GALNT17: variants seen among roughly 807,000 people sequenced by gnomAD.
GALNT17 encodes UDP-GalNAc:polypeptide N-acetylgalactosaminyltransferase-like 3.
In GALNT17, 29 loss-of-function variants were observed where a neutral mutation model predicts 63.7. The observed-to-expected ratio is 0.46, with a 90% CI of 0.34 to 0.62. The LOEUF is 0.62. GALNT17 is among the 20% of genes least tolerant of loss of function. GALNT17 has a pLI of 0.01. For missense variants in GALNT17, 603 were observed against 799.6 expected (o/e 0.75, Z 2.97); for synonymous variants, 305 against 318.3 (o/e 0.96, Z 0.45).
At chr7:71,403,391 G>T (rs906765383) in intron 3 of GALNT17, among the ~76,000 whole-genome samples, 23 of 152,132 alleles carry the variant, frequency 1.5e-4, no homozygotes, top group Admixed American at 3.3e-4. Flanking sequence ...AGGTCAGGTG[G>T]TTTGGTATTA....
chr7:71,282,707 G>T lies in GALNT17; in HGVS notation c.239-52843G>T, dbSNP rs146883100. On this transcript the variant is annotated intron_variant, in intron 1 of 10. Coordinates refer to ENST00000333538, the MANE Select transcript of GALNT17 (RefSeq NM_022479.3). ...TCCATCTCAAGGGAGGGCTGTGGGT[G>T]GGGGGATGTCTGCTTCTATGGGGAG... Among the ~76,000 whole-genome samples the T allele has an allele frequency of 2.3e-3, 343 of 152,074 alleles. 1 individual carries two copies. The highest frequency in any genetic ancestry group is 3.4e-3 in the Non-Finnish European group (230 of 67,964).
intron 2 of GALNT17, among the ~76,000 whole-genome samples, chr7:71,358,392 C>T (rs551913208): frequency 1.3e-5 from 2 of 152,174 alleles, no homozygotes; most frequent in Non-Finnish European, 2.9e-5. Context: ...AAGATTCTGT[C>T]TCAAAAAATA....
chr7:71,279,975 A>C (rs1457290817), intron 1 of GALNT17, among the ~76,000 whole-genome samples: 2 of 152,090 alleles, frequency 1.3e-5, no homozygotes, highest in African/African-American at 4.8e-5. Context: ...CTGGATAGTA[A>C]CCTGGATAGT....
At chr7:71,294,541 A>C (rs2115839259) in intron 1 of GALNT17, among the ~76,000 whole-genome samples, 1 of 150,964 alleles carries the variant, frequency 6.6e-6, no homozygotes, top group East Asian at 2.0e-4. Context: ...CAGCTTCCCA[A>C]GTAGCTGGGA....
chr7:71,589,004 A>G (rs10263653), intron 6 of GALNT17, among the ~76,000 whole-genome samples: 45 of 152,276 alleles, frequency 3.0e-4, no homozygotes, highest in African/African-American at 1.1e-3. Context: ...GGCCCTTAAA[A>G]AGCTAAACGT....
chr7:71,231,587 C>T (rs1789789336), intron 1 of GALNT17, among the ~76,000 whole-genome samples: 1 of 152,044 alleles, frequency 6.6e-6, no homozygotes, highest in Non-Finnish European at 1.5e-5. Context: ...AGACAAAGAT[C>T]AGGGTGCCAG....
At chr7:71,236,543 T>C (rs1373480604) in intron 1 of GALNT17, among the ~76,000 whole-genome samples, 1 of 152,176 alleles carries the variant, frequency 6.6e-6, no homozygotes, top group Non-Finnish European at 1.5e-5. Context: ...GTTATCTTTT[T>C]CTATAAGATG....
intron 1 of GALNT17, among the ~76,000 whole-genome samples, chr7:71,318,284 G>A (rs1030083883): frequency 1.3e-5 from 2 of 152,138 alleles, no homozygotes; most frequent in African/African-American, 2.4e-5. Flanking sequence ...CTTAGATAAT[G>A]CAGGCTTTGG....
At chr7:71,272,137 C>A (rs1790603832) in intron 1 of GALNT17, among the ~76,000 whole-genome samples, 1 of 152,184 alleles carries the variant, frequency 6.6e-6, no homozygotes, top group Non-Finnish European at 1.5e-5. Context: ...ACCTTTGGGG[C>A]CTGGCTTCTT....
At chr7:71,156,440 G>A (rs1788235674) in intron 1 of GALNT17, among the ~76,000 whole-genome samples, 1 of 151,810 alleles carries the variant, frequency 6.6e-6, no homozygotes, top group African/African-American at 2.4e-5. Context: ...AAAGCTGAAT[G>A]GGTGAGTCTA....
Position 71,712,225 on chromosome 7 carries a change from G to A in GALNT17, c.*79G>A, listed in dbSNP as rs376725742. The A allele has an allele frequency of 1.1e-4, 174 of 1,551,176 alleles. No individual in the cohort carries two copies. Among genetic ancestry groups the A allele is most frequent in the East Asian group, 5.1e-4 (22 of 43,234 alleles). On this transcript the variant is annotated 3_prime_UTR_variant, in exon 11 of 11. Coordinates refer to ENST00000333538, the MANE Select transcript of GALNT17 (RefSeq NM_022479.3). ...CAACATCTGGACCAGCTGCCCTGGC[G>A]GAGAGACAGCAAGGGGCCGGCAGGT...
At chr7:71,683,761 A>G (rs1337505096) in intron 9 of GALNT17, among the ~76,000 whole-genome samples, 1 of 152,160 alleles carries the variant, frequency 6.6e-6, no homozygotes, top group African/African-American at 2.4e-5. Context: ...TAATCCCAGC[A>G]CTTTGGGAGG....
rs575941572 is a variant in GALNT17, at chr7:71,693,645, G to A, written c.1500+16339G>A. 1.3e-4 allele frequency among the ~76,000 whole-genome samples: 20 copies of A among 151,742 alleles called. No homozygotes were observed. In the South Asian group the frequency reaches 4.2e-3, roughly 32 times the overall value. ...GGAATAACAAACACTGGGGCCTATT[G>A]GAGGGTAGGGGGTGGAGGGTGGTAG... is the stretch of plus-strand genomic sequence containing the variant. On this transcript the variant is annotated intron_variant, in intron 9 of 10. Coordinates refer to ENST00000333538, the MANE Select transcript of GALNT17 (RefSeq NM_022479.3).
chr7:71,262,425 T>C (rs1414743768), intron 1 of GALNT17, among the ~76,000 whole-genome samples: 2 of 152,036 alleles, frequency 1.3e-5, no homozygotes, highest in Admixed American at 6.5e-5. Flanking sequence ...CTGTTTCTTA[T>C]GTATATGTCA....
At chr7:71,265,575 C>T (rs1790479026) in intron 1 of GALNT17, among the ~76,000 whole-genome samples, 1 of 152,198 alleles carries the variant, frequency 6.6e-6, no homozygotes, top group South Asian at 2.1e-4. Flanking sequence ...GGTATCAGAG[C>T]TACTGTGTGA....
chr7:71,613,683 C>A, intron 6 of GALNT17, among the ~76,000 whole-genome samples: 1 of 152,000 alleles, frequency 6.6e-6, no homozygotes, highest in Non-Finnish European at 1.5e-5. Flanking sequence ...TCAGAAAAAT[C>A]AGGTATAAAA....
intron 5 of GALNT17, among the ~76,000 whole-genome samples, chr7:71,551,811 C>T (rs1403496719): frequency 6.7e-6 from 1 of 150,048 alleles, no homozygotes; most frequent in East Asian, 2.0e-4. Context: ...AGTTATTTGT[C>T]AAGTTAATTT....
At chr7:71,704,327 A>G (rs1411170619) in intron 9 of GALNT17, among the ~76,000 whole-genome samples, 2 of 152,250 alleles carry the variant, frequency 1.3e-5, no homozygotes, top group Non-Finnish European at 2.9e-5. Flanking sequence ...AATGCAAGAC[A>G]TGTACACTGA....
Position 71,283,697 on chromosome 7 carries a change from C to T in GALNT17, c.239-51853C>T, listed in dbSNP as rs116438929. Among the ~76,000 whole-genome samples, 677 of 152,222 alleles carry T rather than the reference C, an allele frequency of 4.4e-3. 4 individuals carry two copies. The highest frequency in any genetic ancestry group is 0.016 in the African/African-American group (653 of 41,536). ...AATCATGGGGGCAGTTACTCCCATG[C>T]TGCCGTTCTTGTGAGTGAGTTCTCA... On this transcript the variant is annotated intron_variant, in intron 1 of 10. Coordinates refer to ENST00000333538, the MANE Select transcript of GALNT17 (RefSeq NM_022479.3).
Sources: allele counts gnomAD v4.1 joint callset (sites outside exome capture counted in the v4.1 genomes callset), GRCh38; gene constraint gnomAD v4.1.1; transcripts MANE v1.5; gene names NCBI Gene and HGNC (gene_info 2026-07-23, HGNC 2026-07-21).